The following ERICH3 variants were observed in gnomAD, a reference collection of about 807,000 sequenced individuals.
ERICH3 encodes glutamate-rich protein 3.
Under a neutral mutation model 131.1 loss-of-function variants are expected in ERICH3, and 126 were observed. That is an observed-to-expected ratio of 0.96 (90% CI 0.83 to 1.11). The LOEUF (loss-of-function observed/expected upper bound fraction) is 1.11. Among genes scored for constraint, ERICH3 ranks in the 50% most tolerant of loss-of-function variants. ERICH3 has a pLI of 0.00. For missense variants in ERICH3, 2,050 were observed against 1,810.7 expected (o/e 1.13, Z -2.40); for synonymous variants, 695 against 644.6 (o/e 1.08, Z -1.18).
chr1:74,607,024 A>T (rs1477227522), intron 9 of ERICH3, 122 bp from the exon 10 acceptor site: 1 of 790,056 alleles, frequency 1.3e-6, no homozygotes, highest in Non-Finnish European at 2.0e-6. Flanking sequence ...TGTTTTGATT[A>T]CAGTACACAC....
chr1:74,628,577 T>C (rs760340010), intron 7 of ERICH3, among the ~76,000 whole-genome samples: 14 of 151,936 alleles, frequency 9.2e-5, no homozygotes, highest in Non-Finnish European at 2.1e-4. Context: ...CAGTCAACAG[T>C]AGGTTACAAG....
chr1:74,671,672 T>G (rs2100664331), intron 1 of ERICH3, among the ~76,000 whole-genome samples: 1 of 152,342 alleles, frequency 6.6e-6, no homozygotes, highest in East Asian at 1.9e-4. Context: ...TGGGAAGATT[T>G]AATAAGGTAG....
chr1:74,616,935 G>T (rs1648991377), intron 8 of ERICH3, among the ~76,000 whole-genome samples: 1 of 151,982 alleles, frequency 6.6e-6, no homozygotes, highest in Non-Finnish European at 1.5e-5. Flanking sequence ...CTTCATTTTT[G>T]ACTTTTGGCC....
chr1:74,589,857 T>G lies in ERICH3; in HGVS notation c.1950A>C (p.Thr650=), dbSNP rs1256559584. Residue 650 remains threonine, a synonymous_variant, in exon 12 of 15, where the codon ACA becomes ACC. Transcript: ENST00000326665. ...LEIEIEDQEI[T]KADVETKPMP... ...TCGGCTTGGTCTCCACATCTGCTTT[T>G]GTTATTTCTTGGTCTTCAATTTCAA... is the stretch of plus-strand genomic sequence containing the variant. 1 of 1,613,992 alleles carries G rather than the reference T, an allele frequency of 6.2e-7. No homozygotes were observed. Among genetic ancestry groups the G allele is most frequent in the Non-Finnish European group, 8.5e-7 (1 of 1,180,000 alleles).
rs1433202878 is a variant in ERICH3, at chr1:74,649,222, C to T, written c.117G>A (p.Leu39=). The change falls in exon 2 of 15, where the codon CTG becomes CTA. Residue 39 remains leucine, a splice_region_variant and synonymous_variant. Coordinates refer to ENST00000326665, the MANE Select transcript of ERICH3 (RefSeq NM_001002912.5). The part of the protein sequence containing the change: ...RIRRHLLRSG[L]ITRSGRILSE... ...CAGTGGAAAGTAAACCAAAACTTAC[C>T]AGTCCTGATCTTAAGAGATGACGCC... is the stretch of plus-strand genomic sequence containing the variant. The T allele has an allele frequency of 1.3e-6, 2 of 1,598,544 alleles. No individual in the cohort carries two copies. The highest frequency in any genetic ancestry group is 1.3e-5 in the African/African-American group (1 of 74,350).
chr1:74,653,983 C>G (rs371068252), intron 1 of ERICH3, among the ~76,000 whole-genome samples: 2 of 152,180 alleles, frequency 1.3e-5, no homozygotes, highest in Non-Finnish European at 2.9e-5. Flanking sequence ...CACTAGTATA[C>G]GAACACAGTT....
chr1:74,630,574 C>T (rs894423850), intron 7 of ERICH3, among the ~76,000 whole-genome samples: 2 of 151,948 alleles, frequency 1.3e-5, no homozygotes, highest in African/African-American at 4.8e-5. Flanking sequence ...AGTTGAGTTG[C>T]CTGGGGTTGT....
intron 12 of ERICH3, chr1:74,579,527 G>T: frequency 1.0e-6 from 1 of 985,410 alleles, no homozygotes; most frequent in African/African-American, 1.7e-5. Flanking sequence ...GTATAGTTAG[G>T]TGTTGCCTAT....
At chr1:74,606,289 T>C (rs1468307203) in intron 10 of ERICH3, among the ~76,000 whole-genome samples, 3 of 151,906 alleles carry the variant, frequency 2.0e-5, no homozygotes, top group Non-Finnish European at 4.4e-5. Flanking sequence ...TTAAAATAGG[T>C]AAAATTCTAT....
At chr1:74,587,608 A>G (rs1647395472) in intron 12 of ERICH3, among the ~76,000 whole-genome samples, 2 of 152,120 alleles carry the variant, frequency 1.3e-5, no homozygotes, top group Admixed American at 1.3e-4. Context: ...CTCATTATGT[A>G]TATCCTACTT....
intron 10 of ERICH3, among the ~76,000 whole-genome samples, chr1:74,602,334 A>C (rs1388795576): frequency 6.6e-6 from 1 of 151,968 alleles, no homozygotes; most frequent in Non-Finnish European, 1.5e-5. Flanking sequence ...AGCTCAAAGC[A>C]CACCACCTTT....
intron 1 of ERICH3, among the ~76,000 whole-genome samples, chr1:74,664,615 G>A (rs1646672446): frequency 6.6e-6 from 1 of 152,008 alleles, no homozygotes; most frequent in Non-Finnish European, 1.5e-5. Flanking sequence ...TAACTACTAT[G>A]TGCAATTTAT....
intron 12 of ERICH3, among the ~76,000 whole-genome samples, chr1:74,587,096 C>T (rs1484680357): frequency 3.3e-5 from 5 of 151,924 alleles, no homozygotes; most frequent in African/African-American, 4.8e-5. Flanking sequence ...GAGACCGAGG[C>T]GGGTGGATCA....
At chr1:74,577,666 T>C (rs1416178671) in intron 12 of ERICH3, among the ~76,000 whole-genome samples, 1 of 151,782 alleles carries the variant, frequency 6.6e-6, no homozygotes, top group Non-Finnish European at 1.5e-5. Flanking sequence ...GAAAACACAA[T>C]ACACAACAGA....
intron 12 of ERICH3, chr1:74,579,413 A>T: frequency 1.0e-6 from 1 of 985,418 alleles, no homozygotes; most frequent in Non-Finnish European, 1.2e-6. Context: ...CTCAGAAATG[A>T]TAGTGAAGCT....
chr1:74,611,941 A>G (rs1358435066), intron 9 of ERICH3, among the ~76,000 whole-genome samples: 1 of 152,210 alleles, frequency 6.6e-6, no homozygotes, highest in Non-Finnish European at 1.5e-5. Context: ...CTCCATTAGA[A>G]TAAGTTCCAC....
intron 10 of ERICH3, among the ~76,000 whole-genome samples, chr1:74,602,803 C>T (rs920177423): frequency 7.2e-5 from 11 of 151,798 alleles, no homozygotes; most frequent in Admixed American, 2.6e-4. Flanking sequence ...TCATAAACCA[C>T]CATGCTTCAA....
chr1:74,608,381 C>T (rs184287519), intron 9 of ERICH3, among the ~76,000 whole-genome samples: 63 of 152,032 alleles, frequency 4.1e-4, no homozygotes, highest in Admixed American at 1.4e-3. Context: ...TACCAGAGAA[C>T]TGAATTTATA....
intron 7 of ERICH3, chr1:74,623,203 CTCT>C (rs1649289166): frequency 6.6e-6 from 1 of 152,226 alleles, no homozygotes. Flanking sequence ...ATAACTAAAG[CTCT>C]TCTTTCTGAT....
Sources: gnomAD v4.1 joint callset for allele counts (sites outside exome capture counted in the v4.1 genomes callset) on GRCh38, gnomAD v4.1.1 for gene constraint, MANE v1.5 for transcripts, NCBI Gene and HGNC (gene_info 2026-07-23, HGNC 2026-07-21) for gene names.